The following GALK2 variants were observed in gnomAD, a reference collection of about 807,000 sequenced individuals.
GALK2 encodes N-acetylgalactosamine kinase.
Under a neutral mutation model 52.4 loss-of-function variants are expected in GALK2, and 36 were observed. The ratio of observed to expected loss-of-function variants is 0.69; its 90% CI spans 0.53 to 0.91. The LOEUF (loss-of-function observed/expected upper bound fraction) is 0.91. Ranked by LOEUF, GALK2 falls within the 40% of genes least tolerant of loss-of-function variation. GALK2 has a pLI of 0.00. For synonymous variants in GALK2, 176 were observed against 199.1 expected, an observed-to-expected ratio of 0.88 and a Z score of 0.98; for missense variants, 579 against 559.1, an observed-to-expected ratio of 1.04 and a Z score of -0.36.
chr15:49,366,121 G>C, intron 3 of GALK2: 1 of 978,158 alleles, frequency 1.0e-6, no homozygotes, highest in Non-Finnish European at 1.7e-6. Flanking sequence ...GTCCACTCCA[G>C]TATCCACCTA....
chr15:49,313,221 C>A (rs2036136569), intron 8 of GALK2, among the ~76,000 whole-genome samples: 1 of 152,222 alleles, frequency 6.6e-6, no homozygotes, highest in African/African-American at 2.4e-5. Flanking sequence ...AAGTAGAAAT[C>A]CAGATTCTTA....
chr15:49,268,765 G>A (rs139125863), intron 5 of GALK2, among the ~76,000 whole-genome samples: 2 of 152,258 alleles, frequency 1.3e-5, no homozygotes, highest in East Asian at 3.9e-4. Flanking sequence ...CCATGGATTG[G>A]CAGTGTGTAA....
intron 3 of GALK2, among the ~76,000 whole-genome samples, chr15:49,219,460 C>T (rs2089632347): frequency 6.6e-6 from 1 of 152,144 alleles, no homozygotes; most frequent in Non-Finnish European, 1.5e-5. Flanking sequence ...GTAAATTGCT[C>T]AGTCTCAAGT....
At chr15:49,286,300 A>G (rs187796054) in intron 7 of GALK2, among the ~76,000 whole-genome samples, 1 of 152,330 alleles carries the variant, frequency 6.6e-6, no homozygotes, top group African/African-American at 2.4e-5. Context: ...CATTTGTTCA[A>G]TAGATGAATG....
chr15:49,221,469 C>A (rs1460870263), intron 3 of GALK2, among the ~76,000 whole-genome samples: 1 of 151,864 alleles, frequency 6.6e-6, no homozygotes, highest in African/African-American at 2.4e-5. Flanking sequence ...AGTTTGAGAC[C>A]AGCCTGGCCA....
intron 3 of GALK2, among the ~76,000 whole-genome samples, chr15:49,354,916 A>G (rs946002905): frequency 7.2e-5 from 11 of 152,044 alleles, no homozygotes; most frequent in Admixed American, 2.0e-4. Context: ...CTGCCTCCTC[A>G]AGTGGGTCCC....
At position 49,190,437 on chromosome 15, in the gene GALK2, T is replaced by G. The variant is rs78909445; in HGVS notation, c.54-10725T>G. Among the ~76,000 whole-genome samples, 1,099 of 152,368 alleles carry G rather than the reference T, an allele frequency of 7.2e-3. 6 individuals carry two copies. The highest frequency in any genetic ancestry group is 0.027 in the Middle Eastern group (8 of 294). ...TACTGTATATGGGTGAGACTTTGGA[T>G]TCTTTTTTCTGATTGGTTATAACAT... On this transcript the variant is annotated intron_variant, in intron 1 of 9. Coordinates refer to ENST00000560031, the MANE Select transcript of GALK2 (RefSeq NM_002044.4).
downstream of GALK2, among the ~76,000 whole-genome samples, chr15:49,336,870 C>A (rs889952547): frequency 7.9e-5 from 12 of 152,182 alleles, no homozygotes; most frequent in South Asian, 1.2e-3. Context: ...CTTCCCTTCT[C>A]TTACAGTATG....
chr15:49,164,538 T>TG (rs1189661935), intron 1 of GALK2, among the ~76,000 whole-genome samples: 1 of 151,962 alleles, frequency 6.6e-6, no homozygotes, highest in Non-Finnish European at 1.5e-5. Context: ...CGCAGCACTT[T>TG]GGGAGGCCAA....
At position 49,329,881 on chromosome 15, in the gene GALK2, C is replaced by A; in HGVS notation, c.*1722C>A. ...AATTTTCACCAGGTGATTTCTTCTTCACAAAAGGTGAGTAAAAATTTCCAA... is the reference window on the plus strand; with the variant it reads ...AATTTTCACCAGGTGATTTCTTCTTAACAAAAGGTGAGTAAAAATTTCCAA... On this transcript the variant is annotated 3_prime_UTR_variant, in exon 10 of 10. Coordinates refer to ENST00000560031, the MANE Select transcript of GALK2 (RefSeq NM_002044.4). The A allele has an allele frequency of 3.7e-6, 2 of 541,364 alleles. No homozygotes were observed. The highest frequency in any genetic ancestry group is 4.7e-6 in the Non-Finnish European group (2 of 425,714). The allele number at this position is 541,364 out of a possible 1,614,324, so 33.5% of individuals were successfully genotyped here. A position where few individuals can be genotyped will look rare whatever the true frequency, so the allele number is the denominator to read the frequency against.
intron 3 of GALK2, among the ~76,000 whole-genome samples, chr15:49,232,691 T>G (rs1352533595): frequency 1.3e-5 from 2 of 152,214 alleles, no homozygotes; most frequent in Non-Finnish European, 2.9e-5. Context: ...TCTTGACTGC[T>G]TTGCTGCTTA....
At chr15:49,167,635 A>G (rs1595859240), upstream of GALK2, among the ~76,000 whole-genome samples, 1 of 152,246 alleles carries the variant, frequency 6.6e-6, no homozygotes, top group African/African-American at 2.4e-5. Context: ...CTGGGATTAT[A>G]GGCATGAGCC....
chr15:49,174,031 C>G (rs766338634), intron 1 of GALK2, among the ~76,000 whole-genome samples: 1 of 152,064 alleles, frequency 6.6e-6, no homozygotes, highest in Non-Finnish European at 1.5e-5. Flanking sequence ...CGCTGTGCCC[C>G]GGACTATTTC....
chr15:49,249,135 T>C (rs2091482447), intron 5 of GALK2, among the ~76,000 whole-genome samples: 1 of 152,204 alleles, frequency 6.6e-6, no homozygotes, highest in African/African-American at 2.4e-5. Flanking sequence ...ACCTACTACA[T>C]CAGTTGTGTG....
downstream of GALK2, among the ~76,000 whole-genome samples, chr15:49,333,071 A>C (rs938632456): frequency 4.6e-5 from 7 of 152,108 alleles, no homozygotes; most frequent in African/African-American, 1.7e-4. Flanking sequence ...TATCCTTAGA[A>C]TCTGTCTCAT....
At chr15:49,207,430 A>C (rs1324681716) in intron 2 of GALK2, among the ~76,000 whole-genome samples, 1 of 152,182 alleles carries the variant, frequency 6.6e-6, no homozygotes, top group African/African-American at 2.4e-5. Flanking sequence ...GATTGGTTTC[A>C]ATTCTTCTTT....
chr15:49,225,455 A>T (rs2141424354), intron 3 of GALK2: 2 of 319,670 alleles, frequency 6.3e-6, no homozygotes, highest in South Asian at 5.0e-5. Flanking sequence ...TGTGGACTGC[A>T]TGTGGGAGGG....
chr15:49,258,331 A>T (rs1325551232), intron 5 of GALK2, among the ~76,000 whole-genome samples: 3 of 152,040 alleles, frequency 2.0e-5, no homozygotes, highest in Admixed American at 1.3e-4. Flanking sequence ...GGAGAGTGGC[A>T]GGGGGTATTA....
At chr15:49,202,233 A>C (rs896737651) in intron 2 of GALK2, among the ~76,000 whole-genome samples, 1 of 151,964 alleles carries the variant, frequency 6.6e-6, no homozygotes, top group African/African-American at 2.4e-5. Flanking sequence ...TCGAACTCCC[A>C]ATCTCAGGTG....
Sources: gnomAD v4.1 joint callset for allele counts (sites outside exome capture counted in the v4.1 genomes callset) on GRCh38, gnomAD v4.1.1 for gene constraint, MANE v1.5 for transcripts, NCBI Gene and HGNC (gene_info 2026-07-23, HGNC 2026-07-21) for gene names.